Variants in HPSE2 observed in about 807,000 individuals in gnomAD.
The protein encoded by HPSE2 is inactive heparanase-2.
HPSE2 carries 38 observed loss-of-function variants against 60.5 expected under a neutral mutation model. The ratio of observed to expected loss-of-function variants is 0.63; its 90% confidence interval spans 0.48 to 0.82. The LOEUF (loss-of-function observed/expected upper bound fraction) is 0.82, where lower values mean the gene tolerates loss of function less well. HPSE2 is among the 40% of genes least tolerant of loss of function. The pLI is 0.00. For synonymous variants in HPSE2, 295 were observed against 293.2 expected, an observed-to-expected ratio of 1.01 and a Z score of -0.06; for missense variants, 713 against 740.4, an observed-to-expected ratio of 0.96 and a Z score of 0.43.
rs1946404608 is a variant in HPSE2, at chr10:98,632,989, AC to A, written c.1098+8857del. ...CGTCAGTGGAAGTTACACTGGGTGC[AC>A]GTGCCTCTCCTTTCTGCCCTTCTAC... On this transcript the variant is annotated intron_variant, in intron 7 of 11. Transcript: ENST00000370552. Among the ~76,000 whole-genome samples, 3 of 152,142 alleles carry A rather than the reference AC, an allele frequency of 2.0e-5. No homozygotes were observed. The South Asian group carries it at 6.2e-4, about 32-fold the overall frequency.
chr10:98,738,349 G>GT (rs1308791938), intron 4 of HPSE2, among the ~76,000 whole-genome samples: 6 of 152,144 alleles, frequency 3.9e-5, no homozygotes, highest in African/African-American at 1.4e-4. Context: ...AGAGTTAAAC[G>GT]TAAGACCTAA....
At chr10:99,246,980 A>C in the HPSE2 span, among the ~76,000 whole-genome samples, 6 of 151,660 alleles carry the variant, frequency 4.0e-5, no homozygotes, top group African/African-American at 1.5e-4. Context: ...GTTCTCAAAA[A>C]CAAAAATAAT....
At chr10:98,834,150 C>T (rs1951741610) in intron 3 of HPSE2, among the ~76,000 whole-genome samples, 1 of 151,978 alleles carries the variant, frequency 6.6e-6, no homozygotes, top group South Asian at 2.1e-4. Context: ...GAAGAAATGA[C>T]AAGACTTATA....
chr10:98,635,500 G>A (rs1946473537), intron 7 of HPSE2, among the ~76,000 whole-genome samples: 1 of 152,216 alleles, frequency 6.6e-6, no homozygotes, highest in African/African-American at 2.4e-5. Context: ...GATGAACGGA[G>A]CCAGGTGTGG....
the HPSE2 span, among the ~76,000 whole-genome samples, chr10:99,313,483 T>C: frequency 2.6e-5 from 4 of 152,056 alleles, no homozygotes; most frequent in African/African-American, 9.7e-5. Context: ...AGATGAAATC[T>C]ACTCCTGGTA....
intron 3 of HPSE2, among the ~76,000 whole-genome samples, chr10:98,918,687 G>A (rs948556017): frequency 8.8e-6 from 1 of 113,668 alleles, no homozygotes; most frequent in African/African-American, 3.4e-5. Context: ...TGTGGGGTGG[G>A]GGGAGGGGGG....
chr10:98,822,519 G>T (rs1951448440), intron 3 of HPSE2, among the ~76,000 whole-genome samples: 2 of 152,122 alleles, frequency 1.3e-5, no homozygotes, highest in South Asian at 4.1e-4. Flanking sequence ...AAATGAACAT[G>T]AAAATGTAGG....
chr10:99,257,343 CA>C, the HPSE2 span, among the ~76,000 whole-genome samples: 6 of 152,186 alleles, frequency 3.9e-5, no homozygotes. Context: ...TCTCTTCTTT[CA>C]AAAGCAAATG....
intron 3 of HPSE2, among the ~76,000 whole-genome samples, chr10:98,906,417 G>C (rs568798019): frequency 6.6e-6 from 1 of 152,228 alleles, no homozygotes; most frequent in African/African-American, 2.4e-5. Context: ...TCAGGTTCTT[G>C]CTTGGTATGG....
intron 3 of HPSE2, among the ~76,000 whole-genome samples, chr10:98,862,609 T>C (rs1163129730): frequency 1.3e-5 from 2 of 152,190 alleles, no homozygotes; most frequent in African/African-American, 2.4e-5. Context: ...TGGAAGGATA[T>C]ACTAGGCTTA....
At chr10:98,837,910 G>A (rs7084345) in intron 3 of HPSE2, among the ~76,000 whole-genome samples, 2,059 of 151,206 alleles carry the variant, frequency 0.014, 39 homozygotes, top group African/African-American at 0.047. Context: ...ATATCTGTGC[G>A]GTTTTGCTTA....
intron 2 of HPSE2, among the ~76,000 whole-genome samples, chr10:99,213,032 A>G (rs570815173): frequency 6.6e-6 from 1 of 152,324 alleles, no homozygotes; most frequent in Non-Finnish European, 1.5e-5. Context: ...GGCCTGGAAT[A>G]GGACAACAAC....
Position 98,459,599 on chromosome 10 carries a change from T to A in HPSE2, c.1754A>T (p.Asn585Ile). ...TTATCGGTAGCGGCAGGCCAAAGCA[T>A]TGACATTCTTGACCACATAAAAGCC... Reference protein sequence around the residue: ...TMGFYVVKNVNALACRYR With the variant: ...TMGFYVVKNVIALACRYR Residue 585 changes from asparagine to isoleucine, a missense_variant, in exon 12 of 12, where the codon AAT (asparagine) becomes ATT (isoleucine). By Grantham distance (149) the Asn-to-Ile change is moderately radical. Transcript: ENST00000370552. 6.2e-7 allele frequency: 1 copy of A among 1,614,104 alleles called. No homozygotes were observed. The highest frequency in any genetic ancestry group is 8.5e-7 in the Non-Finnish European group (1 of 1,180,024).
At chr10:98,837,742 C>T (rs980613463) in intron 3 of HPSE2, among the ~76,000 whole-genome samples, 13 of 152,000 alleles carry the variant, frequency 8.6e-5, no homozygotes, top group Admixed American at 1.3e-4. Flanking sequence ...GGCGTGGTGG[C>T]GGGCGCCTGC....
intron 3 of HPSE2, among the ~76,000 whole-genome samples, chr10:99,054,380 T>G (rs538228529): frequency 6.6e-6 from 1 of 152,262 alleles, no homozygotes; most frequent in South Asian, 2.1e-4. Context: ...GGCATTCAGT[T>G]GAGACATCAA....
intron 3 of HPSE2, among the ~76,000 whole-genome samples, chr10:98,746,891 G>A (rs577859906): frequency 1.2e-3 from 177 of 151,904 alleles, no homozygotes; most frequent in Non-Finnish European, 2.2e-3. Context: ...AAATAAATAG[G>A]TTAAGAAACT....
At chr10:98,887,938 A>ATAAAG (rs1953213956) in intron 3 of HPSE2, among the ~76,000 whole-genome samples, 1 of 151,280 alleles carries the variant, frequency 6.6e-6, no homozygotes, top group South Asian at 2.1e-4. Flanking sequence ...TAATAATAAA[A>ATAAAG]TAAAAAATTA....
chr10:98,872,376 C>T (rs929252372), intron 3 of HPSE2, among the ~76,000 whole-genome samples: 4 of 152,176 alleles, frequency 2.6e-5, no homozygotes, highest in East Asian at 3.9e-4. Flanking sequence ...CCAGCATTAG[C>T]GTGAGGCAGA....
chr10:98,477,299 A>G (rs1178398193), intron 11 of HPSE2, among the ~76,000 whole-genome samples: 3 of 152,204 alleles, frequency 2.0e-5, no homozygotes, highest in Non-Finnish European at 4.4e-5. Context: ...TTCTTATACA[A>G]TTAAGTGTTC....
Sources: allele counts gnomAD v4.1 joint callset (sites outside exome capture counted in the v4.1 genomes callset), GRCh38; gene constraint gnomAD v4.1.1; transcripts MANE v1.5; gene names NCBI Gene and HGNC (gene_info 2026-07-23, HGNC 2026-07-21).